CACNA1H: variants seen among roughly 807,000 people sequenced by gnomAD.
CACNA1H encodes calcium voltage-gated channel subunit alpha1 H.
CACNA1H carries 149 observed loss-of-function variants against 192.5 expected under a neutral mutation model. The ratio of observed to expected loss-of-function variants is 0.77; its 90% CI spans 0.68 to 0.89. The LOEUF (loss-of-function observed/expected upper bound fraction) is 0.89, where lower values mean the gene tolerates loss of function less well. Among genes scored for constraint, CACNA1H ranks in the 40% least tolerant of loss-of-function variants. CACNA1H has a pLI of 0.00. For synonymous variants in CACNA1H, 2,202 were observed against 1,475.2 expected, an observed-to-expected ratio of 1.49 and a Z score of -11.29; for missense variants, 4,257 against 3,423.5, an observed-to-expected ratio of 1.24 and a Z score of -6.08.
chr16:1,218,676 G>T (rs758190801), intron 33 of CACNA1H, 25 bp downstream of exon 33: 121 of 1,511,520 alleles, frequency 8.0e-5, no homozygotes, highest in Non-Finnish European at 1.0e-4. Flanking sequence ...AGGAAGATAT[G>T]GGCTGGGTGG....
intron 5 of CACNA1H, among the ~76,000 whole-genome samples, chr16:1,197,249 G>C (rs1412355616): frequency 6.6e-6 from 1 of 152,234 alleles, no homozygotes; most frequent in Non-Finnish European, 1.5e-5. Flanking sequence ...GTGCAGTACA[G>C]GAGTAACCAT....
intron 2 of CACNA1H, among the ~76,000 whole-genome samples, chr16:1,181,586 C>T (rs75095915): frequency 0.03 from 4,576 of 152,326 alleles, 168 homozygotes; most frequent in African/African-American, 0.079. Context: ...TCAATTATGC[C>T]TTGAAAAGTT....
At chr16:1,162,214 C>T (rs543572384) in intron 2 of CACNA1H, among the ~76,000 whole-genome samples, 2 of 152,240 alleles carry the variant, frequency 1.3e-5, no homozygotes, top group East Asian at 3.9e-4. Flanking sequence ...CTCCAGAGCC[C>T]CAAGAGGCCA....
At position 1,216,983 on chromosome 16, in the gene CACNA1H, C is replaced by G. The variant is rs1002262167; in HGVS notation, c.5296C>G (p.Leu1766Val). The G allele has an allele frequency of 1.9e-6, 3 of 1,600,868 alleles. No homozygotes were observed. The highest frequency in any genetic ancestry group is 2.6e-6 in the Non-Finnish European group (3 of 1,174,012). ...GCTCCTGTTTTTTATCTATGCTGCG[C>G]TGGGAGTGGAGCTGTTCGGGAGGCT... Reference protein sequence around the residue: ...FMLLFFIYAALGVELFGRLEC... With the variant: ...FMLLFFIYAAVGVELFGRLEC... The change falls in exon 31 of 35, where the codon CTG becomes GTG. Residue 1766 changes from leucine to valine, a missense_variant. Physicochemically the swap from Leu to Val is conservative, Grantham distance 32 (BLOSUM62 1). Transcript: ENST00000348261.
At position 1,204,374 on chromosome 16, in the gene CACNA1H, C is replaced by T. The variant is rs761519926; in HGVS notation, c.2367C>T (p.Ile789=). 63 of 1,567,574 alleles carry T rather than the reference C, an allele frequency of 4.0e-5. No individual in the cohort carries two copies. Among genetic ancestry groups the T allele is most frequent in the Non-Finnish European group, 5.2e-5 (60 of 1,158,102 alleles). ...WVTFSGKLRR[I]VDSKYFSRGI... is the part of the protein sequence containing the mutation. ...CCTTCAGCGGCAAGCTGCGCCGCATCGTGGACAGCAAGTACTTCAGCCGTG... is the reference window on the plus strand; with the variant it reads ...CCTTCAGCGGCAAGCTGCGCCGCATTGTGGACAGCAAGTACTTCAGCCGTG... The change falls in exon 10 of 35, where the codon ATC becomes ATT. Residue 789 remains isoleucine (I), a synonymous_variant. Transcript: ENST00000348261.
chr16:1,210,350 A>AACC lies in CACNA1H; in HGVS notation c.3846-20_3846-19insACC. 5.4e-5 allele frequency: 17 copies of AACC among 313,908 alleles called. No homozygotes were observed. The highest frequency in any genetic ancestry group is 7.4e-5 in the Non-Finnish European group (16 of 215,924). The allele number at this position is 313,908 out of a possible 1,614,324, so 19.4% of individuals were successfully genotyped here. On this transcript the variant is annotated intron_variant, in intron 18 of 34. Transcript: ENST00000348261. ...TCCACGCCGCCCCGCCCCACCTCTC[A>AACC]CCCGCCCCCGCCCACCCAGGTTCCG...
At chr16:1,169,541 C>G (rs1964152845) in intron 2 of CACNA1H, among the ~76,000 whole-genome samples, 1 of 145,830 alleles carries the variant, frequency 6.9e-6, no homozygotes, top group South Asian at 2.2e-4. Context: ...GCAGCGACCC[C>G]AAGCTCCAGC....
intron 2 of CACNA1H, among the ~76,000 whole-genome samples, chr16:1,183,557 A>T (rs1260760591): frequency 6.6e-6 from 1 of 152,090 alleles, no homozygotes; most frequent in Non-Finnish European, 1.5e-5. Context: ...CTTCCCACCC[A>T]GTTCCCTCCC....
chr16:1,185,645 ACGGT>A (rs72095483), intron 2 of CACNA1H, among the ~76,000 whole-genome samples: 1,748 of 18,532 alleles, frequency 0.094, 100 homozygotes, highest in East Asian at 0.26. Flanking sequence ...GGGCGAGTAG[ACGGT>A]CGGCATGCAT....
At chr16:1,193,893 C>T (rs1023608672) in intron 2 of CACNA1H, among the ~76,000 whole-genome samples, 4 of 152,098 alleles carry the variant, frequency 2.6e-5, no homozygotes, top group African/African-American at 7.2e-5. Context: ...TGTTCCCCTC[C>T]TACCGTGGCA....
At chr16:1,189,339 G>A (rs532257013) in intron 2 of CACNA1H, among the ~76,000 whole-genome samples, 1 of 145,904 alleles carries the variant, frequency 6.9e-6, no homozygotes, top group Non-Finnish European at 1.5e-5. Flanking sequence ...GCTTGGAGAT[G>A]TGAGGAAGGG....
Position 1,210,600 on chromosome 16 carries a change from C to G in CACNA1H, c.3987C>G (p.Ser1329Arg). Residue 1329 changes from serine to arginine, a missense_variant, in exon 20 of 35, where the codon AGC becomes AGG. Transcript: ENST00000348261. ...DPGSTERVFLSVSNYIFTAIF... is the reference protein window; with the variant it reads ...DPGSTERVFLRVSNYIFTAIF... ...CCCGGCAGGAGCGGGTCTTCCTCAG[C>G]GTCTCCAATTACATCTTCACGGCCA... 6.2e-7 allele frequency: 1 copy of G among 1,608,362 alleles called. No individual in the cohort carries two copies. Among genetic ancestry groups the G allele is most frequent in the Non-Finnish European group, 8.5e-7 (1 of 1,179,788 alleles).
chr16:1,161,871 C>T (rs1329171333), intron 2 of CACNA1H, among the ~76,000 whole-genome samples: 1 of 147,032 alleles, frequency 6.8e-6, no homozygotes, highest in Non-Finnish European at 1.5e-5. Context: ...TGGGGTGGGT[C>T]CGTGGGGTGG....
In CACNA1H at chr16:1,214,953, C is replaced by T; in HGVS notation, c.4930-19C>T. ...GTGGCCCCAGCCCCACCTCAGCCAG[C>T]CCGACCCTCCACCCCCAGTCGCTGG... On this transcript the variant is annotated intron_variant, in intron 27 of 34. Coordinates refer to ENST00000348261, the MANE Select transcript of CACNA1H (RefSeq NM_021098.3). 3 of 1,571,532 alleles carry T rather than the reference C, an allele frequency of 1.9e-6. No individual in the cohort carries two copies. Among genetic ancestry groups the T allele is most frequent in the Non-Finnish European group, 2.6e-6 (3 of 1,152,344 alleles).
Position 1,207,778 on chromosome 16 carries a change from C to T in CACNA1H, c.3072C>T (p.Ala1024=), listed in dbSNP as rs1158198876. 4 of 1,597,592 alleles carry T rather than the reference C, an allele frequency of 2.5e-6. No individual in the cohort carries two copies. Among genetic ancestry groups the T allele is most frequent in the East Asian group, 4.6e-5 (2 of 43,812 alleles). ...TGCTTTGTTGGGTTTAGGGCGATGCCAACAGATCCGACACGGACGAGGACA... is the reference window on the plus strand; with the variant it reads ...TGCTTTGTTGGGTTTAGGGCGATGCTAACAGATCCGACACGGACGAGGACA... ...LVEGFQAEGD[A]NRSDTDEDKT... The change falls in exon 15 of 35, where the codon GCC becomes GCT. Residue 1024 remains alanine (A), a synonymous_variant. Transcript: ENST00000348261.
chr16:1,164,464 C>T (rs1963551202), intron 2 of CACNA1H, among the ~76,000 whole-genome samples: 1 of 152,168 alleles, frequency 6.6e-6, no homozygotes, highest in Admixed American at 6.5e-5. Flanking sequence ...CCCCAGGTGC[C>T]AGGATTACAG....
chr16:1,168,033 G>C (rs1963973311), intron 2 of CACNA1H, among the ~76,000 whole-genome samples: 1 of 152,290 alleles, frequency 6.6e-6, no homozygotes, highest in African/African-American at 2.4e-5. Context: ...CGAGTTGGGG[G>C]ACATTTTGTA....
chr16:1,190,161 G>A (rs930363694), intron 2 of CACNA1H, among the ~76,000 whole-genome samples: 3 of 152,254 alleles, frequency 2.0e-5, no homozygotes, highest in African/African-American at 7.2e-5. Context: ...CCCTGGCTGG[G>A]TTCCCTGACC....
At chr16:1,173,075 G>T (rs1317763947) in intron 2 of CACNA1H, among the ~76,000 whole-genome samples, 1 of 152,160 alleles carries the variant, frequency 6.6e-6, no homozygotes, top group African/African-American at 2.4e-5. Context: ...TGGGCCTGGG[G>T]AGCTGGGAAG....
Sources: allele counts gnomAD v4.1 joint callset (sites outside exome capture counted in the v4.1 genomes callset), GRCh38; gene constraint gnomAD v4.1.1; transcripts MANE v1.5; gene names NCBI Gene and HGNC (gene_info 2026-07-23, HGNC 2026-07-21).